The following HAO1 variants were observed in gnomAD, a reference collection of about 807,000 sequenced individuals.
HAO1 encodes hydroxyacid oxidase 1.
Under a neutral mutation model 39.7 loss-of-function variants are expected in HAO1, and 34 were observed. That is an observed-to-expected ratio of 0.86 (90% CI 0.65 to 1.14). The LOEUF is 1.14. Among genes scored for constraint, HAO1 ranks in the 50% most tolerant of loss-of-function variants. The probability of loss-of-function intolerance (pLI) is 0.00; values close to 1 mark genes in which losing one functional copy is unlikely to be tolerated. For missense variants in HAO1, 479 were observed against 464.5 expected (o/e 1.03, Z -0.29); for synonymous variants, 172 against 173.2 (o/e 0.99, Z 0.05).
At chr20:7,921,506 G>A (rs754476458) in intron 2 of HAO1, among the ~76,000 whole-genome samples, 59 of 152,084 alleles carry the variant, frequency 3.9e-4, no homozygotes, top group Non-Finnish European at 6.0e-4. Flanking sequence ...CTGCTGTAGG[G>A]AATGTAAATT....
intron 4 of HAO1, among the ~76,000 whole-genome samples, chr20:7,902,111 T>G (rs1417759534): frequency 6.6e-6 from 1 of 152,212 alleles, no homozygotes; most frequent in Non-Finnish European, 1.5e-5. Flanking sequence ...CTGTGAACAT[T>G]GCTGAAATAA....
At chr20:7,913,071 T>C (rs1459703858) in intron 3 of HAO1, among the ~76,000 whole-genome samples, 4 of 152,198 alleles carry the variant, frequency 2.6e-5, no homozygotes, top group African/African-American at 9.6e-5. Context: ...ATTTTGGATC[T>C]TTTCATTTTT....
intron 2 of HAO1, among the ~76,000 whole-genome samples, chr20:7,932,182 T>C (rs1202667384): frequency 6.6e-6 from 1 of 152,180 alleles, no homozygotes; most frequent in Non-Finnish European, 1.5e-5. Context: ...CCTTCCCCTT[T>C]GCCTTCCACC....
chr20:7,914,082 T>G, intron 3 of HAO1, 82 bp downstream of exon 3: 1 of 1,451,506 alleles, frequency 6.9e-7, no homozygotes, highest in Non-Finnish European at 9.6e-7. Flanking sequence ...TTAGCAACGT[T>G]GCTATCAGTA....
intron 5 of HAO1, among the ~76,000 whole-genome samples, chr20:7,894,139 C>T (rs2050186203): frequency 6.6e-6 from 1 of 152,138 alleles, no homozygotes; most frequent in Non-Finnish European, 1.5e-5. Context: ...CACCAACGGC[C>T]CCCGGCCCCC....
intron 2 of HAO1, among the ~76,000 whole-genome samples, chr20:7,918,487 G>A (rs2050316848): frequency 6.6e-6 from 1 of 152,148 alleles, no homozygotes; most frequent in Non-Finnish European, 1.5e-5. Flanking sequence ...CGGCTCTGAA[G>A]TTTATCACCC....
chr20:7,921,903 T>G (rs1378144242), intron 2 of HAO1, among the ~76,000 whole-genome samples: 1 of 152,078 alleles, frequency 6.6e-6, no homozygotes, highest in Non-Finnish European at 1.5e-5. Context: ...AAGCTGAATA[T>G]TGGATACACA....
intron 2 of HAO1, among the ~76,000 whole-genome samples, chr20:7,921,284 G>T (rs898674612): frequency 1.3e-5 from 2 of 152,038 alleles, no homozygotes; most frequent in Non-Finnish European, 2.9e-5. Context: ...CCATTAAAAA[G>T]TGGGCAAAGG....
chr20:7,936,353 A>G (rs531271040), intron 1 of HAO1, among the ~76,000 whole-genome samples: 12 of 152,238 alleles, frequency 7.9e-5, no homozygotes, highest in African/African-American at 2.9e-4. Context: ...TTTATTACCA[A>G]TCATCTCTAA....
At chr20:7,920,677 T>C (rs1017926092) in intron 2 of HAO1, among the ~76,000 whole-genome samples, 2 of 152,124 alleles carry the variant, frequency 1.3e-5, no homozygotes, top group African/African-American at 4.8e-5. Flanking sequence ...GATCATATAG[T>C]ATCTGTCTAT....
At chr20:7,906,117 A>C in intron 4 of HAO1, 37 bp downstream of exon 4, 1 of 1,420,360 alleles carries the variant, frequency 7.0e-7, no homozygotes, top group South Asian at 1.2e-5. Flanking sequence ...AAAGGATCAC[A>C]AAGTCAGTAT....
At position 7,895,179 on chromosome 20, in the gene HAO1, A is replaced by G. The variant is rs772668521; in HGVS notation, c.767T>C (p.Leu256Ser). The change falls in exon 5 of 8, where the codon TTG becomes TCG. Residue 256 changes from leucine (L) to serine (S), a missense_variant. Transcript: ENST00000378789. ...EAVKHGLNGILVSNHGARQLD... is the reference protein window; with the variant it reads ...EAVKHGLNGISVSNHGARQLD... ...TTGTCGAGCCCCATGATTCGACACC[A>G]AGATCCCATTCAAGCCATGTTTAAC... 6.2e-7 allele frequency: 1 copy of G among 1,613,054 alleles called. No homozygotes were observed. Among genetic ancestry groups the G allele is most frequent in the East Asian group, 2.2e-5 (1 of 44,844 alleles).
intron 4 of HAO1, among the ~76,000 whole-genome samples, chr20:7,903,505 AGG>A (rs2050230786): frequency 6.7e-6 from 1 of 148,944 alleles, no homozygotes; most frequent in Admixed American, 6.7e-5. Context: ...GGAGTGGTGG[AGG>A]TGGTAGTGGT....
At position 7,914,300 on chromosome 20, in the gene HAO1, G is replaced by T; in HGVS notation, c.409C>A (p.Arg137=). Residue 137 remains arginine (R), a synonymous_variant, in exon 3 of 8, where the codon CGA becomes AGA. Coordinates refer to ENST00000378789, the MANE Select transcript of HAO1 (RefSeq NM_017545.3). ...CGCACTAGCTTCTTGGTGACTTCTC[G>T]GTCCTTGTAGATATACAGTTGCAGC... The part of the protein sequence containing the change: ...RWLQLYIYKD[R]EVTKKLVRQA... The T allele has an allele frequency of 1.2e-6, 2 of 1,613,942 alleles. No homozygotes were observed. Among genetic ancestry groups the T allele is most frequent in the South Asian group, 2.2e-5 (2 of 91,070 alleles).
chr20:7,902,279 G>A (rs963212781), intron 4 of HAO1, among the ~76,000 whole-genome samples: 1 of 152,108 alleles, frequency 6.6e-6, no homozygotes. Context: ...AAAGTTAATC[G>A]ATGCATCAAA....
chr20:7,921,720 G>A (rs1568517984), intron 2 of HAO1, among the ~76,000 whole-genome samples: 2 of 152,062 alleles, frequency 1.3e-5, no homozygotes, highest in Non-Finnish European at 2.9e-5. Context: ...CCCACCAATG[G>A]TGGATTGAAT....
chr20:7,912,577 C>CT (rs1308997471), intron 3 of HAO1, among the ~76,000 whole-genome samples: 1 of 95,548 alleles, frequency 1.0e-5, no homozygotes, highest in Non-Finnish European at 1.8e-5. Context: ...TTTAGAAAGT[C>CT]TTTAAAAAAA....
At chr20:7,908,261 G>A (rs1301108177) in intron 3 of HAO1, among the ~76,000 whole-genome samples, 1 of 151,906 alleles carries the variant, frequency 6.6e-6, no homozygotes, top group Non-Finnish European at 1.5e-5. Flanking sequence ...ACATAGTGGT[G>A]GGCACGTGTA....
intron 5 of HAO1, among the ~76,000 whole-genome samples, chr20:7,890,089 C>T (rs750493680): frequency 5.3e-5 from 8 of 152,184 alleles, no homozygotes; most frequent in Non-Finnish European, 1.2e-4. Context: ...ACACCAAATG[C>T]TTTCTCACAT....
Sources: gnomAD v4.1 joint callset for allele counts (sites outside exome capture counted in the v4.1 genomes callset) on GRCh38, gnomAD v4.1.1 for gene constraint, MANE v1.5 for transcripts, NCBI Gene and HGNC (gene_info 2026-07-23, HGNC 2026-07-21) for gene names.